The following ZNF436 variants were observed in gnomAD, a reference collection of about 807,000 sequenced individuals.
ZNF436 encodes DNA-binding protein.
In ZNF436, 22 loss-of-function variants were observed where a neutral mutation model predicts 41.9. That is an observed-to-expected ratio of 0.53 (90% CI 0.38 to 0.75). The LOEUF (loss-of-function observed/expected upper bound fraction) is 0.75, where lower values mean the gene tolerates loss of function less well. Among genes scored for constraint, ZNF436 ranks in the 30% least tolerant of loss-of-function variants. The pLI is 0.00. For synonymous variants in ZNF436, 217 were observed against 197.8 expected (o/e 1.10, Z -0.82); for missense variants, 506 against 587.3 (o/e 0.86, Z 1.43).
rs375742257 is a variant in ZNF436 at position 23,369,547 on chromosome 1, C to T, written c.-242G>A. The T allele has an allele frequency of 5.2e-5, 28 of 533,738 alleles. No homozygotes were observed. The highest frequency in any genetic ancestry group is 3.1e-4 in the African/African-American group (16 of 52,054). The allele number at this position is 533,738 out of a possible 1,614,324, so 33.1% of individuals were successfully genotyped here. The stretch of plus-strand genomic sequence containing the variant: ...CGAATTCGTAGACTTGCAGGCGAAG[C>T]CCAGATATCGTAGGCTGATCCTAAA... On this transcript the variant is annotated 5_prime_UTR_variant, in exon 1 of 4. Transcript: ENST00000314011.
At chr1:23,365,835 C>T (rs1298035314) in intron 3 of ZNF436, among the ~76,000 whole-genome samples, 1 of 148,138 alleles carries the variant, frequency 6.8e-6, no homozygotes, top group Non-Finnish European at 1.5e-5. Context: ...GGAGGATGAC[C>T]TGGGCCTGGG....
Position 23,369,698 on chromosome 1 carries a change from C to G in ZNF436, c.-393G>C, listed in dbSNP as rs1208771176. ...AACTAAGCTGCATTCAGCTGGAGTT[C>G]CTCGGAACGGGAGGACTCGCAGCTC... On this transcript the variant is annotated 5_prime_UTR_variant, in exon 1 of 4. Coordinates refer to ENST00000314011, the MANE Select transcript of ZNF436 (RefSeq NM_001077195.2). 1 of 444,266 alleles carries G rather than the reference C, an allele frequency of 2.3e-6. No homozygotes were observed. Among genetic ancestry groups the G allele is most frequent in the Non-Finnish European group, 4.7e-6 (1 of 210,820 alleles). The allele number at this position is 444,266 out of a possible 1,614,324, so 27.5% of individuals were successfully genotyped here. A position where few individuals can be genotyped will look rare whatever the true frequency, so the allele number is the denominator to read the frequency against.
chr1:23,366,350 GGAGGCAAAGT>G (rs139587962), intron 3 of ZNF436, among the ~76,000 whole-genome samples: 1 of 151,190 alleles, frequency 6.6e-6, no homozygotes, highest in Non-Finnish European at 1.5e-5. Flanking sequence ...AGTCTTGACA[GGAGGCAAAGT>G]GAGGCAAAGT....
rs1646992474 is a variant in ZNF436, at chr1:23,361,034, G to A, written c.*935C>T. 3 of 152,388 alleles carry A rather than the reference G, an allele frequency of 2.0e-5. No individual in the cohort carries two copies. Among genetic ancestry groups the A allele is most frequent in the African/African-American group, 4.8e-5 (2 of 41,438 alleles). The allele number at this position is 152,388 out of a possible 1,614,324, so 9.4% of individuals were successfully genotyped here. ...TCTTAGAGTTAGCAGGATAGGAAGAGTTGATCTTAAAGATTAGAAGGGAAA... is the reference window on the plus strand; with the variant it reads ...TCTTAGAGTTAGCAGGATAGGAAGAATTGATCTTAAAGATTAGAAGGGAAA... On this transcript the variant is annotated 3_prime_UTR_variant, in exon 4 of 4. Coordinates refer to ENST00000314011, the MANE Select transcript of ZNF436 (RefSeq NM_001077195.2).
At chr1:23,369,238 G>C (rs371007948) in intron 1 of ZNF436, 128 bp downstream of exon 1, 3 of 432,170 alleles carry the variant, frequency 6.9e-6, no homozygotes, top group Non-Finnish European at 1.4e-5. Context: ...GGCTCCCAGC[G>C]GCCTCCCGCA....
In ZNF436 at chr1:23,361,351, CA is replaced by C. The variant is rs1448726676; in HGVS notation, c.*617del. ...CAACCGTATCTTCAGTTAGCCTTCACAAAGATGCAAGCTTTAAAGGAGCTAA... is the reference window on the plus strand; with the variant it reads ...CAACCGTATCTTCAGTTAGCCTTCACAAGATGCAAGCTTTAAAGGAGCTAA... On this transcript the variant is annotated 3_prime_UTR_variant, in exon 4 of 4. Transcript: ENST00000314011. 1 of 152,610 alleles carries C rather than the reference CA, an allele frequency of 6.6e-6. No homozygotes were observed. Among genetic ancestry groups the C allele is most frequent in the Non-Finnish European group, 1.5e-5 (1 of 68,070 alleles). 9.5% of individuals were successfully genotyped at this position (152,610 alleles called of 1,614,324 possible).
At position 23,360,699 on chromosome 1, in the gene ZNF436, T is replaced by C. The variant is rs974939634; in HGVS notation, c.*1270A>G. The C allele has an allele frequency of 6.6e-6, 1 of 152,638 alleles. No homozygotes were observed. The highest frequency in any genetic ancestry group is 2.4e-5 in the African/African-American group (1 of 41,432). 9.5% of individuals were successfully genotyped at this position (152,638 alleles called of 1,614,324 possible). A position where few individuals can be genotyped will look rare whatever the true frequency, so the allele number is the denominator to read the frequency against. ...TCTGAGAATAGGACAATCGACCTAT[T>C]TGTCTGGTCATTATCTTCCACAATT... On this transcript the variant is annotated 3_prime_UTR_variant, in exon 4 of 4. Transcript: ENST00000314011.
At position 23,361,791 on chromosome 1, in the gene ZNF436, G is replaced by C. The variant is rs1570182401; in HGVS notation, c.*178C>G. ...GAATAAAAATCACCATTTTGGAGGA[G>C]ATAACATTCCCAAAGCTGAGGGTCA... On this transcript the variant is annotated 3_prime_UTR_variant, in exon 4 of 4. Coordinates refer to ENST00000314011, the MANE Select transcript of ZNF436 (RefSeq NM_001077195.2). 2 of 601,306 alleles carry C rather than the reference G, an allele frequency of 3.3e-6. No homozygotes were observed. Among genetic ancestry groups the C allele is most frequent in the Non-Finnish European group, 5.5e-6 (2 of 365,244 alleles). 37.2% of individuals were successfully genotyped at this position (601,306 alleles called of 1,614,324 possible).
chr1:23,367,668 A>G (rs1432342292), intron 2 of ZNF436, among the ~76,000 whole-genome samples: 1 of 152,174 alleles, frequency 6.6e-6, no homozygotes, highest in Non-Finnish European at 1.5e-5. Context: ...AGCACTTACT[A>G]CGTTGTGCCA....
chr1:23,369,633 G>C lies in ZNF436; in HGVS notation c.-328C>G, dbSNP rs775242316. On this transcript the variant is annotated 5_prime_UTR_variant, in exon 1 of 4. It adds an upstream start codon to the 5' untranslated region. Coordinates refer to ENST00000314011, the MANE Select transcript of ZNF436 (RefSeq NM_001077195.2). ...CTCAGAAACCACAGGCTCATAGGCA[G>C]ATCCCTGAGACCACAGAGGCTGGCC... The C allele has an allele frequency of 5.9e-6, 3 of 510,310 alleles. No individual in the cohort carries two copies. Among genetic ancestry groups the C allele is most frequent in the South Asian group, 1.4e-5 (1 of 70,068 alleles). 31.6% of individuals were successfully genotyped at this position (510,310 alleles called of 1,614,324 possible). A position where few individuals can be genotyped will look rare whatever the true frequency, so the allele number is the denominator to read the frequency against.
At position 23,361,734 on chromosome 1, in the gene ZNF436, G is replaced by GGGGCT; in HGVS notation, c.*230_*234dup. On this transcript the variant is annotated 3_prime_UTR_variant, in exon 4 of 4. Coordinates refer to ENST00000314011, the MANE Select transcript of ZNF436 (RefSeq NM_001077195.2). Reference sequence around the variant, plus strand: ...GGTCTTCAGATTTCCAGTTACTTGTGGGGCTGCTTTTAATGAAGTAACCCA... The same window carrying GGGGCT: ...GGTCTTCAGATTTCCAGTTACTTGTGGGGCTGGGCTGCTTTTAATGAAGTAACCCA... 4.8e-6 allele frequency: 2 copies of GGGGCT among 414,048 alleles called. No homozygotes were observed. The highest frequency in any genetic ancestry group is 8.6e-6 in the Non-Finnish European group (2 of 231,720). 25.6% of individuals were successfully genotyped at this position (414,048 alleles called of 1,614,324 possible). A position where few individuals can be genotyped will look rare whatever the true frequency, so the allele number is the denominator to read the frequency against.
In ZNF436 at chr1:23,368,141, C is replaced by T. The variant is rs1032137181; in HGVS notation, c.-60-76G>A. ...ACTCCCCAGGGCTGGAGTTCTGGCC[C>T]CAAGGCGGGCAGGGAGGGCCCTGGA... On this transcript the variant is annotated intron_variant, in intron 1 of 3. Transcript: ENST00000314011. 3.9e-6 allele frequency: 4 copies of T among 1,025,810 alleles called. No individual in the cohort carries two copies. In the Admixed American group the frequency reaches 9.4e-5, roughly 24 times the overall value. 63.5% of individuals were successfully genotyped at this position (1,025,810 alleles called of 1,614,324 possible).
In ZNF436 at chr1:23,362,061, T is replaced by C; in HGVS notation, c.1321A>G (p.Thr441Ala). 1 of 1,614,266 alleles carries C rather than the reference T, an allele frequency of 6.2e-7. No homozygotes were observed. The highest frequency in any genetic ancestry group is 8.5e-7 in the Non-Finnish European group (1 of 1,180,046). Reference sequence around the variant, plus strand: ...GTACATTCATAAGGTTTCTCTCCCGTGTGAACTCTTTGATGTGTGATGAGG... The same window carrying C: ...GTACATTCATAAGGTTTCTCTCCCGCGTGAACTCTTTGATGTGTGATGAGG... ...SNLITHQRVHTGEKPYECTEC... is the reference protein window; with the variant it reads ...SNLITHQRVHAGEKPYECTEC... Residue 441 changes from threonine (T) to alanine (A), a missense_variant, in exon 4 of 4, where the codon ACG becomes GCG. Coordinates refer to ENST00000314011, the MANE Select transcript of ZNF436 (RefSeq NM_001077195.2).
rs758556445 is a variant in ZNF436 at position 23,361,927 on chromosome 1, G to GT, written c.*41dup. On this transcript the variant is annotated 3_prime_UTR_variant, in exon 4 of 4. Transcript: ENST00000314011. Reference sequence around the variant, plus strand: ...GCGTTCATTGATATCAAATAAAATTGTATCTTCAAATGAATCATTTCTCAG... The same window carrying GT: ...GCGTTCATTGATATCAAATAAAATTGTTATCTTCAAATGAATCATTTCTCAG... The GT allele has an allele frequency of 4.7e-5, 72 of 1,529,622 alleles. 1 individual carries two copies. Among genetic ancestry groups the GT allele is most frequent in the Admixed American group, 1.9e-4 (9 of 47,782 alleles). 94.8% of individuals were successfully genotyped at this position (1,529,622 alleles called of 1,614,324 possible). A position where few individuals can be genotyped will look rare whatever the true frequency, so the allele number is the denominator to read the frequency against.
chr1:23,369,688 A>C lies in ZNF436; in HGVS notation c.-383T>G, dbSNP rs745854943. 3 of 455,916 alleles carry C rather than the reference A, an allele frequency of 6.6e-6. No individual in the cohort carries two copies. The highest frequency in any genetic ancestry group is 9.2e-6 in the Non-Finnish European group (2 of 216,422). The allele number at this position is 455,916 out of a possible 1,614,324, so 28.2% of individuals were successfully genotyped here. A position where few individuals can be genotyped will look rare whatever the true frequency, so the allele number is the denominator to read the frequency against. On this transcript the variant is annotated 5_prime_UTR_variant, in exon 1 of 4. Coordinates refer to ENST00000314011, the MANE Select transcript of ZNF436 (RefSeq NM_001077195.2). ...AACCACCAGCAACTAAGCTGCATTC[A>C]GCTGGAGTTCCTCGGAACGGGAGGA...
Position 23,362,772 on chromosome 1 carries a change from C to T in ZNF436, c.610G>A (p.Gly204Arg), listed in dbSNP as rs1638275425. The stretch of plus-strand genomic sequence containing the variant: ...TGCTGAATCAGGTGAGAACTTCTTC[C>T]AAAACTTTTCCCACACTCGTTACAG... The part of the protein sequence containing the change: ...YDCNECGKSF[G>R]RSSHLIQHQT... The change falls in exon 4 of 4, where the codon GGA (glycine) becomes AGA (arginine). Residue 204 changes from glycine (G) to arginine (R), a missense_variant. By Grantham distance (125) the Gly-to-Arg change is moderately radical (BLOSUM62 -2). Around this residue, in one of 2 missense-constraint regions of ZNF436, gnomAD observed 278 missense variants for 372.1 expected, o/e 0.75. Transcript: ENST00000314011. 1 of 1,613,912 alleles carries T rather than the reference C, an allele frequency of 6.2e-7. No homozygotes were observed.
chr1:23,362,468 G>A lies in ZNF436; in HGVS notation c.914C>T (p.Pro305Leu). 6.2e-7 allele frequency: 1 copy of A among 1,614,010 alleles called. No homozygotes were observed. Among genetic ancestry groups the A allele is most frequent in the Non-Finnish European group, 8.5e-7 (1 of 1,179,886 alleles). Residue 305 changes from proline to leucine, a missense_variant, in exon 4 of 4, where the codon CCC becomes CTC. By Grantham distance (98) the Pro-to-Leu change is moderately conservative. This residue lies in a region of ZNF436 where 278 missense variants were observed against 372.1 expected (regional missense o/e 0.75). Coordinates refer to ENST00000314011, the MANE Select transcript of ZNF436 (RefSeq NM_001077195.2). ...KHYRVHTGER[P>L]YKCDECGKNF... The stretch of plus-strand genomic sequence containing the variant: ...CTTCCCACACTCATCACACTTGTAG[G>A]GCCTCTCCCCTGTGTGGACTCGATA...
At position 23,369,427 on chromosome 1, in the gene ZNF436, G is replaced by A. The variant is rs146856628; in HGVS notation, c.-122C>T. 3.7e-6 allele frequency: 2 copies of A among 534,534 alleles called. No individual in the cohort carries two copies. The highest frequency in any genetic ancestry group is 1.9e-5 in the African/African-American group (1 of 51,962). The allele number at this position is 534,534 out of a possible 1,614,324, so 33.1% of individuals were successfully genotyped here. On this transcript the variant is annotated 5_prime_UTR_variant, in exon 1 of 4. Coordinates refer to ENST00000314011, the MANE Select transcript of ZNF436 (RefSeq NM_001077195.2). ...CCAAAACCTGAGAGACCGCGAACGG[G>A]TTCCAGAGCCGCAGCGTTCTCTCAG...
chr1:23,367,024 G>A lies in ZNF436; in HGVS notation c.160+18C>T. On this transcript the variant is annotated intron_variant, in intron 3 of 3. Transcript: ENST00000314011. ...TCTCAAAAACGTGGAGGCAAAGAAA[G>A]GTAGAATCCTTACTTACCTAGTGAG... 6.2e-7 allele frequency: 1 copy of A among 1,603,808 alleles called. No homozygotes were observed. Among genetic ancestry groups the A allele is most frequent in the Non-Finnish European group, 8.5e-7 (1 of 1,176,264 alleles).
Sources: gnomAD v4.1 joint callset for allele counts (sites outside exome capture counted in the v4.1 genomes callset) on GRCh38, gnomAD v4.1.1 for gene constraint, gnomAD v4.1.1 regional missense constraint, MANE v1.5 for transcripts, NCBI Gene and HGNC (gene_info 2026-07-23, HGNC 2026-07-21) for gene names.